ARHGAP24: variants seen among roughly 807,000 people sequenced by gnomAD.
ARHGAP24 encodes the protein rho GTPase-activating protein 24.
ARHGAP24 carries 50 observed loss-of-function variants against 76.4 expected under a neutral mutation model. That is an observed-to-expected ratio of 0.65 (90% CI 0.52 to 0.83). The LOEUF (loss-of-function observed/expected upper bound fraction) is 0.83. ARHGAP24 is among the 40% of genes least tolerant of loss of function. ARHGAP24 has a pLI of 0.00. For missense variants in ARHGAP24, 930 were observed against 914.2 expected (o/e 1.02, Z -0.22); for synonymous variants, 345 against 323.3 (o/e 1.07, Z -0.72).
At chr4:85,524,764 G>T (rs1317352424) in intron 1 of ARHGAP24, among the ~76,000 whole-genome samples, 1 of 152,166 alleles carries the variant, frequency 6.6e-6, no homozygotes, top group African/African-American at 2.4e-5. Context: ...TGTACATCAG[G>T]TGCCTCTGTG....
chr4:85,637,247 A>G (rs1721341359), intron 2 of ARHGAP24, among the ~76,000 whole-genome samples: 1 of 152,068 alleles, frequency 6.6e-6, no homozygotes. Flanking sequence ...TATAACTAAA[A>G]TCATAGTTCA....
intron 3 of ARHGAP24, among the ~76,000 whole-genome samples, chr4:85,773,053 T>C (rs976485369): frequency 3.3e-5 from 5 of 152,220 alleles, no homozygotes; most frequent in African/African-American, 1.2e-4. Flanking sequence ...TAATCAATTC[T>C]TATAAAATAC....
intron 3 of ARHGAP24, among the ~76,000 whole-genome samples, chr4:85,849,617 A>G (rs1731101764): frequency 6.6e-6 from 1 of 152,166 alleles, no homozygotes; most frequent in East Asian, 1.9e-4. Flanking sequence ...TTTGAGATAC[A>G]TTCCATCAAT....
At chr4:85,532,773 C>T (rs1408437514) in intron 1 of ARHGAP24, among the ~76,000 whole-genome samples, 2 of 152,136 alleles carry the variant, frequency 1.3e-5, no homozygotes, top group African/African-American at 4.8e-5. Flanking sequence ...GTTCTATGAC[C>T]ATTCTAATCC....
chr4:85,971,711 A>G (rs1349370472), intron 5 of ARHGAP24, among the ~76,000 whole-genome samples: 1 of 152,112 alleles, frequency 6.6e-6, no homozygotes, highest in Non-Finnish European at 1.5e-5. Flanking sequence ...ACTAGATCTT[A>G]TACATTCTAC....
intron 8 of ARHGAP24, among the ~76,000 whole-genome samples, chr4:85,985,229 A>T (rs1739915534): frequency 6.6e-6 from 1 of 152,202 alleles, no homozygotes; most frequent in Non-Finnish European, 1.5e-5. Context: ...TGTGGAATCA[A>T]CCTAAATGCC....
chr4:85,758,388 G>T (rs1206052736), intron 3 of ARHGAP24, among the ~76,000 whole-genome samples: 1 of 152,146 alleles, frequency 6.6e-6, no homozygotes, highest in Admixed American at 6.5e-5. Flanking sequence ...GGATAGTGAT[G>T]CAACCTCTCT....
At chr4:85,837,245 T>C (rs1014206207) in intron 3 of ARHGAP24, among the ~76,000 whole-genome samples, 2 of 152,242 alleles carry the variant, frequency 1.3e-5, no homozygotes, top group Admixed American at 6.5e-5. Flanking sequence ...GTTTCTTTTC[T>C]GCCAACCTGC....
chr4:85,843,038 G>C (rs1251457557), intron 3 of ARHGAP24, among the ~76,000 whole-genome samples: 1 of 152,158 alleles, frequency 6.6e-6, no homozygotes, highest in Non-Finnish European at 1.5e-5. Flanking sequence ...ACTTTCCAAT[G>C]ACCAGTTGGA....
At chr4:85,813,810 T>C (rs1021719480) in intron 3 of ARHGAP24, among the ~76,000 whole-genome samples, 3 of 112,450 alleles carry the variant, frequency 2.7e-5, no homozygotes, top group African/African-American at 1.0e-4. Context: ...AATATATATA[T>C]ATTTATTTTA....
rs78142842 is a variant in ARHGAP24 at position 85,592,458 on chromosome 4, C to T, written c.180+21737C>T. ...TTAAATGGTGTATCCATAACCTCAA[C>T]ATTTATCCTGTCTTTGTGTTACAAA... On this transcript the variant is annotated intron_variant, in intron 2 of 9. Coordinates refer to ENST00000395184, the MANE Select transcript of ARHGAP24 (RefSeq NM_001025616.3). Among the ~76,000 whole-genome samples, 19 of 152,292 alleles carry T rather than the reference C, an allele frequency of 1.2e-4. No individual in the cohort carries two copies. In the East Asian group the frequency reaches 3.5e-3, roughly 28 times the overall value.
At position 85,969,246 on chromosome 4, in the gene ARHGAP24, A is replaced by C. The variant is rs182392185; in HGVS notation, c.600-2790A>C. On this transcript the variant is annotated intron_variant, in intron 5 of 9. Transcript: ENST00000395184. ...TCACTTCATTAAAAGCAAAACAGTAAAGTGCTAAGCAAGTTACCTTAAAAA... is the reference window on the plus strand; with the variant it reads ...TCACTTCATTAAAAGCAAAACAGTACAGTGCTAAGCAAGTTACCTTAAAAA... Among the ~76,000 whole-genome samples the C allele has an allele frequency of 2.2e-3, 334 of 152,276 alleles. 3 individuals are homozygous for C. The highest frequency in any genetic ancestry group is 7.7e-3 in the African/African-American group (320 of 41,562).
At chr4:85,580,195 T>G (rs756389851) in intron 2 of ARHGAP24, among the ~76,000 whole-genome samples, 4 of 151,362 alleles carry the variant, frequency 2.6e-5, no homozygotes, top group Non-Finnish European at 5.9e-5. Flanking sequence ...AGAGAAACCA[T>G]GAGCTGGATA....
rs1408621063 is a variant in ARHGAP24 at position 85,506,896 on chromosome 4, T to TA, written c.-21+31337_-21+31338insA. ...ATCTTGGAATGGGATCTAAGCCTTT[T>TA]TTTTTCCCCCCATGTGGAACTTAGA... On this transcript the variant is annotated intron_variant, in intron 1 of 9. Coordinates refer to ENST00000395184, the MANE Select transcript of ARHGAP24 (RefSeq NM_001025616.3). Among the ~76,000 whole-genome samples the TA allele has an allele frequency of 1.1e-3, 10 of 9,398 alleles. No homozygotes were observed. The East Asian group carries it at 0.083, about 78-fold the overall frequency. 6.2% of individuals were successfully genotyped at this position (9,398 alleles called of 152,430 possible).
rs1210109366 is a variant in ARHGAP24 at position 85,733,060 on chromosome 4, C to CTT, written c.268+11108_268+11109dup. Among the ~76,000 whole-genome samples the CTT allele has an allele frequency of 1.6e-3, 91 of 55,206 alleles. 7 individuals are homozygous for CTT. The highest frequency in any genetic ancestry group is 5.5e-3 in the African/African-American group (86 of 15,668). 36.2% of individuals were successfully genotyped at this position (55,206 alleles called of 152,430 possible). On this transcript the variant is annotated intron_variant, in intron 3 of 9. Transcript: ENST00000395184. ...CTATAGATCTTATAGGCCTCACCAA[C>CTT]TTTTTTTTTTTTTTTTTTTTTGAGA...
chr4:85,715,522 C>T (rs189247869), intron 2 of ARHGAP24, among the ~76,000 whole-genome samples: 188 of 151,966 alleles, frequency 1.2e-3, no homozygotes, highest in African/African-American at 4.3e-3. Context: ...AGATGACGAA[C>T]CTGAGGAAGG....
intron 3 of ARHGAP24, among the ~76,000 whole-genome samples, chr4:85,738,899 A>T (rs986757795): frequency 3.3e-5 from 5 of 152,200 alleles, no homozygotes; most frequent in Non-Finnish European, 1.5e-5. Flanking sequence ...TGCAGATGGC[A>T]TAAGACCAGG....
intron 3 of ARHGAP24, among the ~76,000 whole-genome samples, chr4:85,845,374 T>A (rs1384123961): frequency 6.6e-6 from 1 of 152,152 alleles, no homozygotes; most frequent in Non-Finnish European, 1.5e-5. Context: ...GATTGGAAAA[T>A]TGAGGCCAAT....
intron 3 of ARHGAP24, among the ~76,000 whole-genome samples, chr4:85,859,178 TATACACAC>T (rs1203000772): frequency 1.4e-5 from 2 of 146,932 alleles, no homozygotes; most frequent in South Asian, 2.2e-4. Context: ...CACACACACA[TATACACAC>T]ATACACACAT....
Sources: gnomAD v4.1 joint callset for allele counts (sites outside exome capture counted in the v4.1 genomes callset) on GRCh38, gnomAD v4.1.1 for gene constraint, MANE v1.5 for transcripts, NCBI Gene and HGNC (gene_info 2026-07-23, HGNC 2026-07-21) for gene names.